Variants in KAZN observed in about 807,000 individuals in gnomAD.
KAZN encodes the protein kazrin, periplakin interacting protein.
A neutral mutation model predicts 87.4 loss-of-function variants in KAZN; 40 were observed. That is an observed-to-expected ratio of 0.46 (90% CI 0.36 to 0.60). The LOEUF is 0.60. KAZN is among the 20% of genes least tolerant of loss of function. The probability of loss-of-function intolerance (pLI) is 0.00; values close to 1 mark genes in which losing one functional copy is unlikely to be tolerated. For synonymous variants in KAZN, 466 were observed against 458.3 expected, an observed-to-expected ratio of 1.02 and a Z score of -0.22; for missense variants, 898 against 1,073.9, an observed-to-expected ratio of 0.84 and a Z score of 2.29.
chr1:14,537,882 C>A (rs1283448594), intron 2 of KAZN, among the ~76,000 whole-genome samples: 1 of 152,108 alleles, frequency 6.6e-6, no homozygotes, highest in East Asian at 1.9e-4. Context: ...ATGTTCAAGC[C>A]TTTTTTGGTT....
intron 2 of KAZN, among the ~76,000 whole-genome samples, chr1:14,230,135 C>T (rs981963299): frequency 1.3e-5 from 2 of 152,184 alleles, no homozygotes; most frequent in African/African-American, 4.8e-5. Flanking sequence ...TATAAACAGC[C>T]TCATGTGACT....
At chr1:14,242,689 G>T (rs182671642) in intron 2 of KAZN, among the ~76,000 whole-genome samples, 132 of 152,314 alleles carry the variant, frequency 8.7e-4, no homozygotes, top group African/African-American at 2.9e-3. Flanking sequence ...GCAACCATCT[G>T]ACAAAGGAGG....
At chr1:14,282,875 A>G (rs533206914) in intron 2 of KAZN, among the ~76,000 whole-genome samples, 1 of 152,330 alleles carries the variant, frequency 6.6e-6, no homozygotes, top group Non-Finnish European at 1.5e-5. Context: ...CTAATGTCAG[A>G]AGGGGAGCCC....
intron 3 of KAZN, among the ~76,000 whole-genome samples, chr1:15,035,531 G>A (rs1366948014): frequency 6.6e-6 from 1 of 152,174 alleles, no homozygotes; most frequent in Non-Finnish European, 1.5e-5. Flanking sequence ...ACATGCCAAA[G>A]AGGACACCAA....
rs373591078 is a variant in KAZN, at chr1:15,099,012, G to C, written c.1548-2531G>C. 3.5e-4 allele frequency among the ~76,000 whole-genome samples: 54 copies of C among 152,334 alleles called. No homozygotes were observed. Among genetic ancestry groups the C allele is most frequent in the African/African-American group, 1.2e-3 (50 of 41,574 alleles). Reference sequence around the variant, plus strand: ...GGTGCAGAGATGGGGACTTCCAGGGGCTTTGGACACAGAGAAGGGCTCCTG... The same window carrying C: ...GGTGCAGAGATGGGGACTTCCAGGGCCTTTGGACACAGAGAAGGGCTCCTG... On this transcript the variant is annotated intron_variant, in intron 10 of 14. Coordinates refer to ENST00000376030, the MANE Select transcript of KAZN (RefSeq NM_201628.3). The surrounding 1 kb of genome is among the most constrained non-coding windows in gnomAD (Gnocchi z 5.4).
intron 2 of KAZN, among the ~76,000 whole-genome samples, chr1:15,024,696 G>A (rs530165782): frequency 6.6e-6 from 1 of 152,320 alleles, no homozygotes; most frequent in South Asian, 2.1e-4. Context: ...TGGACCTGGG[G>A]TCTCACCTCT....
At chr1:14,485,238 T>G (rs939458008) in intron 2 of KAZN, among the ~76,000 whole-genome samples, 9 of 152,206 alleles carry the variant, frequency 5.9e-5, no homozygotes, top group African/African-American at 2.2e-4. Flanking sequence ...ATTGACCACG[T>G]TGCATTCAAA....
intron 1 of KAZN, among the ~76,000 whole-genome samples, chr1:14,701,930 G>C (rs771003174): frequency 6.6e-5 from 10 of 152,130 alleles, no homozygotes; most frequent in Non-Finnish European, 1.5e-4. Flanking sequence ...CCTAGCCTCT[G>C]GTCTCAGTAT....
chr1:14,818,039 T>A (rs1646625388), intron 1 of KAZN, among the ~76,000 whole-genome samples: 1 of 152,244 alleles, frequency 6.6e-6, no homozygotes, highest in Admixed American at 6.5e-5. Context: ...ATGCTGGCCA[T>A]CCCTGCTTTG....
At chr1:15,035,146 T>A (rs544457098) in intron 3 of KAZN, among the ~76,000 whole-genome samples, 1 of 152,176 alleles carries the variant, frequency 6.6e-6, no homozygotes, top group African/African-American at 2.4e-5. Flanking sequence ...GTGTGTGCCC[T>A]CGCAGGTCTC....
intron 1 of KAZN, among the ~76,000 whole-genome samples, chr1:14,033,920 T>A (rs925077466): frequency 6.6e-6 from 1 of 152,210 alleles, no homozygotes; most frequent in African/African-American, 2.4e-5. Context: ...TCTGTGTTAA[T>A]CCAGTCCATG....
chr1:15,024,667 G>A (rs1274857148), intron 2 of KAZN, among the ~76,000 whole-genome samples: 1 of 152,230 alleles, frequency 6.6e-6, no homozygotes, highest in African/African-American at 2.4e-5. Flanking sequence ...CCTGGTAGGG[G>A]AAGTGACCCT....
chr1:13,951,856 C>T (rs1363170883), intron 1 of KAZN, among the ~76,000 whole-genome samples: 1 of 152,162 alleles, frequency 6.6e-6, no homozygotes, highest in Non-Finnish European at 1.5e-5. Context: ...GTAAAAGTGC[C>T]TTAAGACACA....
chr1:15,015,418 T>C (rs1669988579), intron 2 of KAZN, among the ~76,000 whole-genome samples: 1 of 152,128 alleles, frequency 6.6e-6, no homozygotes, highest in Non-Finnish European at 1.5e-5. Context: ...CCCAAAGTGT[T>C]GGGATTATAG....
chr1:14,626,797 A>G (rs1679174645), intron 1 of KAZN, among the ~76,000 whole-genome samples: 1 of 151,882 alleles, frequency 6.6e-6, no homozygotes, highest in Non-Finnish European at 1.5e-5. Flanking sequence ...CCACACCAAA[A>G]TCCTCGAAGC....
chr1:15,092,386 T>C (rs1640591708), intron 8 of KAZN, among the ~76,000 whole-genome samples: 1 of 152,150 alleles, frequency 6.6e-6, no homozygotes, highest in Non-Finnish European at 1.5e-5. Flanking sequence ...GTCAGAGTTA[T>C]ATTTAAATAC....
At chr1:14,801,776 C>T (rs886213057) in intron 1 of KAZN, among the ~76,000 whole-genome samples, 4 of 151,898 alleles carry the variant, frequency 2.6e-5, no homozygotes, top group Admixed American at 6.5e-5. Context: ...CTCTGCCTCC[C>T]GGGTTCATGC....
chr1:14,391,692 T>C (rs756778886), intron 2 of KAZN: 4 of 152,330 alleles, frequency 2.6e-5, no homozygotes, highest in Admixed American at 1.3e-4. Context: ...TTTGTATAGA[T>C]AATCATTGAC....
At chr1:14,940,235 G>A (rs1251995488) in intron 1 of KAZN, among the ~76,000 whole-genome samples, 1 of 152,224 alleles carries the variant, frequency 6.6e-6, no homozygotes, top group African/African-American at 2.4e-5. Flanking sequence ...AATGTCCAGT[G>A]CAGTTGTTCC....
Sources: gnomAD v4.1 joint callset for allele counts (sites outside exome capture counted in the v4.1 genomes callset) on GRCh38, gnomAD v4.1.1 for gene constraint, Gnocchi (gnomAD v3.1) non-coding constraint, MANE v1.5 for transcripts, NCBI Gene and HGNC (gene_info 2026-07-23, HGNC 2026-07-21) for gene names.